USP10: variants seen among roughly 807,000 people sequenced by gnomAD.
The protein encoded by USP10 is ubiquitin specific peptidase 10, also known as ubiquitin carboxyl-terminal hydrolase 10.
A neutral mutation model predicts 84.5 loss-of-function variants in USP10; 22 were observed. That is an observed-to-expected ratio of 0.26 (90% CI 0.19 to 0.37). The LOEUF is 0.37. Among genes scored for constraint, USP10 ranks in the 10% least tolerant of loss-of-function variants. The pLI, the probability that USP10 is intolerant of heterozygous loss-of-function variation, is 1.00. For missense variants in USP10, 1,019 were observed against 998.9 expected, an observed-to-expected ratio of 1.02 and a Z score of -0.27; for synonymous variants, 454 against 387.6, an observed-to-expected ratio of 1.17 and a Z score of -2.01.
At chr16:84,743,457 G>A (rs1320738894) in intron 3 of USP10, among the ~76,000 whole-genome samples, 3 of 152,126 alleles carry the variant, frequency 2.0e-5, no homozygotes, top group Non-Finnish European at 4.4e-5. Context: ...TCTACAAAAA[G>A]ATTTCTAGGG....
intron 1 of USP10, among the ~76,000 whole-genome samples, chr16:84,706,644 C>G (rs1184144196): frequency 1.3e-5 from 2 of 151,726 alleles, no homozygotes; most frequent in South Asian, 2.1e-4. Context: ...GGGTTCACGC[C>G]ATTCTCCTGC....
chr16:84,716,207 C>A (rs1391795885), intron 1 of USP10: 1 of 152,434 alleles, frequency 6.6e-6, no homozygotes, highest in African/African-American at 2.4e-5. Flanking sequence ...ATGCCAGTTC[C>A]TCCTGGACTC....
intron 1 of USP10, among the ~76,000 whole-genome samples, chr16:84,717,113 T>C (rs1021102754): frequency 3.3e-5 from 5 of 152,164 alleles, no homozygotes; most frequent in African/African-American, 7.2e-5. Context: ...CTGTGCGCTG[T>C]CTGAGCTCCT....
intron 4 of USP10, among the ~76,000 whole-genome samples, chr16:84,748,955 A>G (rs917757191): frequency 2.0e-5 from 3 of 152,216 alleles, no homozygotes; most frequent in Non-Finnish European, 4.4e-5. Context: ...TGGTTAGGTC[A>G]GTTATGAAGA....
At position 84,747,092 on chromosome 16, in the gene USP10, C is replaced by T. The variant is rs141098957; in HGVS notation, c.1192+1419C>T. ...GAATCTTGTGGGACCATCATACGTG[C>T]GGCTCATTGTTGACCGAAATGTTAC... On this transcript the variant is annotated intron_variant, in intron 4 of 13. Coordinates refer to ENST00000219473, the MANE Select transcript of USP10 (RefSeq NM_005153.3). 1.8e-3 allele frequency among the ~76,000 whole-genome samples: 272 copies of T among 152,312 alleles called. 1 individual carries two copies. Among genetic ancestry groups the T allele is most frequent in the African/African-American group, 5.7e-3 (239 of 41,566 alleles).
At chr16:84,764,829 C>G (rs1226751142) in intron 10 of USP10, among the ~76,000 whole-genome samples, 1 of 129,694 alleles carries the variant, frequency 7.7e-6, no homozygotes, top group Admixed American at 8.1e-5. Context: ...GACTCTGTCT[C>G]AAGAAAAAAA....
chr16:84,752,779 C>A (rs1207504444), intron 4 of USP10, among the ~76,000 whole-genome samples: 1 of 152,156 alleles, frequency 6.6e-6, no homozygotes, highest in Non-Finnish European at 1.5e-5. Context: ...GCGTTAGTGT[C>A]TCCTCCAGTT....
chr16:84,731,155 A>C (rs897580120), intron 1 of USP10, among the ~76,000 whole-genome samples: 1 of 151,062 alleles, frequency 6.6e-6, no homozygotes, highest in Non-Finnish European at 1.5e-5. Flanking sequence ...AATTTTTTGT[A>C]TTTTTAGTAG....
At position 84,744,954 on chromosome 16, in the gene USP10, G is replaced by A. The variant is rs377637767; in HGVS notation, c.473G>A (p.Gly158Glu). 6.2e-6 allele frequency: 10 copies of A among 1,613,650 alleles called. No homozygotes were observed. The highest frequency in any genetic ancestry group is 8.5e-6 in the Non-Finnish European group (10 of 1,179,720). The change falls in exon 4 of 14, where the codon GGA (glycine) becomes GAA (glutamate). Residue 158 changes from glycine to glutamate, a missense_variant. Gly to Glu is a moderately conservative substitution (Grantham distance 98). Transcript: ENST00000219473. ...AAAAAGAAGAAAAAGCGGCCACCTG[G>A]ATATTACAGCTATTTGAAAGATGGT... ...ERKKKKKRPP[G>E]YYSYLKDGGD...
rs747067383 is a variant in USP10 at position 84,745,231 on chromosome 16, T to C, written c.750T>C (p.Phe250=). 1 of 1,613,374 alleles carries C rather than the reference T, an allele frequency of 6.2e-7. No homozygotes were observed. Among genetic ancestry groups the C allele is most frequent in the South Asian group, 1.1e-5 (1 of 91,032 alleles). Residue 250 remains phenylalanine (F), a synonymous_variant, in exon 4 of 14, where the codon TTT becomes TTC. Transcript: ENST00000219473. ...GQPEGGPGAD[F]GQSCFPAEAG... ...CAGAGGGGGGCCCCGGGGCTGATTT[T>C]GGTCAGTCCTGCTTCCCTGCAGAGG...
At chr16:84,707,349 T>G (rs1019321205) in intron 1 of USP10, among the ~76,000 whole-genome samples, 1 of 152,240 alleles carries the variant, frequency 6.6e-6, no homozygotes, top group African/African-American at 2.4e-5. Flanking sequence ...AAAGTTTGTG[T>G]GGGGTACATT....
chr16:84,734,061 G>T (rs1164209621), intron 2 of USP10, among the ~76,000 whole-genome samples: 1 of 152,142 alleles, frequency 6.6e-6, no homozygotes, highest in African/African-American at 2.4e-5. Flanking sequence ...TAGTTCAGCC[G>T]TTAAAAATAT....
chr16:84,729,524 T>G (rs1908935611), intron 1 of USP10, among the ~76,000 whole-genome samples: 1 of 152,248 alleles, frequency 6.6e-6, no homozygotes, highest in Non-Finnish European at 1.5e-5. Flanking sequence ...TTATCTGCCA[T>G]GAGCATATGG....
In USP10 at chr16:84,756,122, C is replaced by T. The variant is rs531017152; in HGVS notation, c.1193-2594C>T. ...CCCCCATCTCCCAACACCCCTTCAG[C>T]TTAGCCTGTACAGTGTGTGTTTGGA... On this transcript the variant is annotated intron_variant, in intron 4 of 13. Coordinates refer to ENST00000219473, the MANE Select transcript of USP10 (RefSeq NM_005153.3). Among the ~76,000 whole-genome samples, 3 of 138,808 alleles carry T rather than the reference C, an allele frequency of 2.2e-5. No homozygotes were observed. The South Asian group carries it at 7.9e-4, about 36-fold the overall frequency. The allele number at this position is 138,808 out of a possible 152,430, so 91.1% of individuals were successfully genotyped here. A position where few individuals can be genotyped will look rare whatever the true frequency, so the allele number is the denominator to read the frequency against.
chr16:84,743,037 G>C (rs146117209), intron 3 of USP10, among the ~76,000 whole-genome samples: 174 of 152,308 alleles, frequency 1.1e-3, no homozygotes, highest in African/African-American at 4.0e-3. Context: ...TTCCGCCCCA[G>C]GCACACCCGT....
chr16:84,771,734 G>C (rs1447843138), intron 11 of USP10, among the ~76,000 whole-genome samples: 1 of 152,054 alleles, frequency 6.6e-6, no homozygotes, highest in Non-Finnish European at 1.5e-5. Context: ...CAGATGTGGT[G>C]GTGGGAGCCT....
chr16:84,746,692 C>T (rs566047563), intron 4 of USP10, among the ~76,000 whole-genome samples: 1 of 152,190 alleles, frequency 6.6e-6, no homozygotes, highest in East Asian at 1.9e-4. Flanking sequence ...AATGTGAAGG[C>T]CCAGGACAGT....
intron 1 of USP10, among the ~76,000 whole-genome samples, chr16:84,714,137 T>C (rs1906681279): frequency 1.3e-5 from 2 of 152,028 alleles, no homozygotes; most frequent in African/African-American, 4.8e-5. Flanking sequence ...GGAGGTAGAT[T>C]GTTGCAGAGA....
In USP10 at chr16:84,760,284, C is replaced by G. The variant is rs1567639671; in HGVS notation, c.1554+9C>G. 2 of 1,590,660 alleles carry G rather than the reference C, an allele frequency of 1.3e-6. No homozygotes were observed. Among genetic ancestry groups the G allele is most frequent in the East Asian group, 2.3e-5 (1 of 44,362 alleles). ...CAAGCCTGTCTGAAAAGGTTTGAGA[C>G]TTCTCTGTTGTCACTAGTATCAAGT... On this transcript the variant is annotated intron_variant, in intron 8 of 13. Coordinates refer to ENST00000219473, the MANE Select transcript of USP10 (RefSeq NM_005153.3).
Sources: allele counts gnomAD v4.1 joint callset (sites outside exome capture counted in the v4.1 genomes callset), GRCh38; gene constraint gnomAD v4.1.1; transcripts MANE v1.5; gene names NCBI Gene and HGNC (gene_info 2026-07-23, HGNC 2026-07-21).